Variants in CIC observed in about 807,000 individuals in gnomAD.
The protein encoded by CIC is capicua transcriptional repressor, also known as protein capicua homolog.
Under a neutral mutation model 115.7 loss-of-function variants are expected in CIC, and 18 were observed. The ratio of observed to expected loss-of-function variants is 0.16; its 90% CI spans 0.11 to 0.23. The LOEUF is 0.23. Ranked by LOEUF, CIC falls within the 10% of genes least tolerant of loss-of-function variation. The probability of loss-of-function intolerance (pLI) is 1.00; values close to 1 mark genes in which losing one functional copy is unlikely to be tolerated. For synonymous variants in CIC, 1,076 were observed against 923.0 expected, an observed-to-expected ratio of 1.17 and a Z score of -3.01; for missense variants, 2,000 against 2,159.3, an observed-to-expected ratio of 0.93 and a Z score of 1.46.
At chr19:42,276,931 C>A (rs1282368946) in intron 2 of CIC, among the ~76,000 whole-genome samples, 2 of 152,166 alleles carry the variant, frequency 1.3e-5, no homozygotes, top group Non-Finnish European at 2.9e-5. Flanking sequence ...GAGGCCCTGA[C>A]AAATGGAGAG....
At position 42,292,193 on chromosome 19, in the gene CIC, G is replaced by T; in HGVS notation, c.5721G>T (p.Leu1907Phe). The T allele has an allele frequency of 6.2e-7, 1 of 1,614,004 alleles. No individual in the cohort carries two copies. Among genetic ancestry groups the T allele is most frequent in the South Asian group, 1.1e-5 (1 of 91,082 alleles). ...CCTCTCAGCCTCAGAAGGTCCTGTT[G>T]CCCTCCTCCACCAGGTAATTGCAGC... Reference protein sequence around the residue: ...GPTSQPQKVLLPSSTRITYVQ... With the variant: ...GPTSQPQKVLFPSSTRITYVQ... Residue 1907 changes from leucine (L) to phenylalanine (F), a missense_variant, in exon 13 of 21, where the codon TTG becomes TTT. Physicochemically the swap from Leu to Phe is conservative, Grantham distance 22. Transcript: ENST00000681038.
Position 42,290,482 on chromosome 19 carries a change from C to T in CIC, c.4441C>T (p.Arg1481Trp), listed in dbSNP as rs749708777. 29 of 1,613,636 alleles carry T rather than the reference C, an allele frequency of 1.8e-5. No individual in the cohort carries two copies. The highest frequency in any genetic ancestry group is 2.0e-5 in the Non-Finnish European group (24 of 1,179,936). Residue 1481 changes from arginine (R) to tryptophan (W), a missense_variant, in exon 11 of 21, where the codon CGG becomes TGG. Physicochemically the swap from Arg to Trp is moderately radical, Grantham distance 101. This residue lies in a region of CIC where 1,466 missense variants were observed against 1,390.4 expected (regional missense o/e 1.05). Coordinates refer to ENST00000681038, the MANE Select transcript of CIC (RefSeq NM_001386298.1). ...SGQGSTAGPL[R>W]PPPPGAGGPA... is the part of the protein sequence containing the mutation. ...TCAGGGCAGCACAGCGGGCCCCCTA[C>T]GGCCCCCACCCCCTGGGGCTGGGGG...
At chr19:42,284,734 C>A (rs770106566) in intron 2 of CIC, 3 of 1,556,548 alleles carry the variant, frequency 1.9e-6, no homozygotes, top group East Asian at 2.4e-5. Context: ...CCCTGATGCC[C>A]GCGTCCAGCG....
Position 42,272,428 on chromosome 19 carries a change from T to C in CIC, c.645T>C (p.Leu215=), listed in dbSNP as rs10426310. The C allele has an allele frequency of 0.071, 28,152 of 398,486 alleles. 1,239 individuals are homozygous for C. Among genetic ancestry groups the C allele is most frequent in the Middle Eastern group, 0.17 (266 of 1,588 alleles). The allele number at this position is 398,486 out of a possible 1,614,324, so 24.7% of individuals were successfully genotyped here. The part of the protein sequence containing the change: ...QRVLARRGDG[L]FLPAVVRQVR... ...TGCTGGCTCGGCGTGGTGATGGCCT[T>C]TTCCTGCCGGCTGTGGTGCGCCAGG... is the stretch of plus-strand genomic sequence containing the variant. The change falls in exon 2 of 21, where the codon CTT becomes CTC. Residue 215 remains leucine (L), a synonymous_variant. Transcript: ENST00000681038.
At chr19:42,278,593 GTC>G (rs2037085629) in intron 2 of CIC, among the ~76,000 whole-genome samples, 1 of 152,102 alleles carries the variant, frequency 6.6e-6, no homozygotes, top group Non-Finnish European at 1.5e-5. Context: ...GGCATCCTGT[GTC>G]TCTGAGCCAG....
intron 2 of CIC, among the ~76,000 whole-genome samples, chr19:42,275,621 G>A (rs935604020): frequency 1.3e-5 from 2 of 152,184 alleles, no homozygotes; most frequent in African/African-American, 4.8e-5. Flanking sequence ...CAGAGAGGGT[G>A]ACAGACCTGT....
chr19:42,284,848 T>G (rs1050950871), intron 2 of CIC: 365 of 1,250,770 alleles, frequency 2.9e-4, no homozygotes, highest in Non-Finnish European at 3.7e-4. Flanking sequence ...GTGGTGGGGG[T>G]ATAGTAGGGG....
chr19:42,295,547 A>G lies in CIC; in HGVS notation c.*356A>G, dbSNP rs959618510. ...GGCGCCTGTGGAATAGGGGGAGTTC[A>G]TGCACCCCTTTTTTCCCCAGAGGGG... On this transcript the variant is annotated 3_prime_UTR_variant, in exon 21 of 21. Coordinates refer to ENST00000681038, the MANE Select transcript of CIC (RefSeq NM_001386298.1). 1 of 268,604 alleles carries G rather than the reference A, an allele frequency of 3.7e-6. No individual in the cohort carries two copies. The highest frequency in any genetic ancestry group is 5.8e-5 in the East Asian group (1 of 17,284). 16.6% of individuals were successfully genotyped at this position (268,604 alleles called of 1,614,324 possible).
chr19:42,294,337 G>A, intron 19 of CIC, 33 bp downstream of exon 19: 1 of 1,610,258 alleles, frequency 6.2e-7, no homozygotes, highest in South Asian at 1.1e-5. Context: ...GGGGGCCTGG[G>A]GACCTGCAAG....
In CIC at chr19:42,290,348, G is replaced by C; in HGVS notation, c.4307G>C (p.Gly1436Ala). 1 of 1,614,092 alleles carries C rather than the reference G, an allele frequency of 6.2e-7. No homozygotes were observed. Among genetic ancestry groups the C allele is most frequent in the Non-Finnish European group, 8.5e-7 (1 of 1,179,994 alleles). Reference protein sequence around the residue: ...PPDPPVAFGKGYGSAPSSSAS... With the variant: ...PPDPPVAFGKAYGSAPSSSAS... ...GATCCTCCTGTAGCCTTTGGCAAAG[G>C]CTATGGTTCCGCCCCATCCTCCTCT... is the stretch of plus-strand genomic sequence containing the variant. Residue 1436 changes from glycine to alanine, a missense_variant, in exon 11 of 21, where the codon GGC becomes GCC. Gly to Ala is a moderately conservative substitution (Grantham distance 60). This residue lies in a region of CIC where 1,466 missense variants were observed against 1,390.4 expected (regional missense o/e 1.05). Coordinates refer to ENST00000681038, the MANE Select transcript of CIC (RefSeq NM_001386298.1).
chr19:42,281,949 A>T (rs1481049501), intron 2 of CIC, among the ~76,000 whole-genome samples: 4 of 152,096 alleles, frequency 2.6e-5, no homozygotes, highest in Non-Finnish European at 5.9e-5. Flanking sequence ...CTGTCCTTGG[A>T]CTGCATTGCA....
chr19:42,291,160 G>T lies in CIC; in HGVS notation c.5119G>T (p.Ala1707Ser). 1 of 1,608,094 alleles carries T rather than the reference G, an allele frequency of 6.2e-7. No homozygotes were observed. Among genetic ancestry groups the T allele is most frequent in the South Asian group, 1.1e-5 (1 of 90,788 alleles). ...GGTTAGSGAG[A>S]GSGPNGPVPL... ...GACCACTGCGGGCTCAGGAGCAGGT[G>T]CTGGGAGTGGCCCCAATGGGCCAGT... The change falls in exon 11 of 21, where the codon GCT (alanine) becomes TCT (serine). Residue 1707 changes from alanine (A) to serine (S), a missense_variant. Physicochemically the swap from Ala to Ser is moderately conservative, Grantham distance 99. Around this residue, in one of 8 missense-constraint regions of CIC, gnomAD observed 1,466 missense variants for 1,390.4 expected, o/e 1.05. Transcript: ENST00000681038.
At position 42,295,188 on chromosome 19, in the gene CIC, G is replaced by C; in HGVS notation, c.7551G>C (p.Arg2517Ser). The change falls in exon 21 of 21, where the codon AGG (arginine) becomes AGC (serine). Residue 2517 changes from arginine (R) to serine (S), a missense_variant. Coordinates refer to ENST00000681038, the MANE Select transcript of CIC (RefSeq NM_001386298.1). ...PPGPSTAATG[R>S] ...GTCCCTCCACAGCTGCCACAGGCAG[G>C]TGAGGGACCCCTGAGAAGATGCCAG... 6.6e-7 allele frequency: 1 copy of C among 1,508,654 alleles called. No homozygotes were observed. The highest frequency in any genetic ancestry group is 8.9e-7 in the Non-Finnish European group (1 of 1,128,570). The allele number at this position is 1,508,654 out of a possible 1,614,324, so 93.5% of individuals were successfully genotyped here.
At chr19:42,269,203 G>C (rs967589224), upstream of CIC, 1 of 152,058 alleles carries the variant, frequency 6.6e-6, no homozygotes, top group Non-Finnish European at 1.5e-5. Context: ...CGGTCAGTGG[G>C]GTTGTGATCG....
At chr19:42,288,600 C>G (rs1424977046) in intron 7 of CIC, among the ~76,000 whole-genome samples, 2 of 152,212 alleles carry the variant, frequency 1.3e-5, no homozygotes. Context: ...AACCGAGGCT[C>G]AGGCCAGCGG....
chr19:42,269,244 G>A (rs1400805605), upstream of CIC: 2 of 151,468 alleles, frequency 1.3e-5, no homozygotes, highest in Non-Finnish European at 2.9e-5. Context: ...GCTGTTGCAG[G>A]TCCATTCACC....
chr19:42,279,818 G>A (rs777498937), intron 2 of CIC, among the ~76,000 whole-genome samples: 11 of 152,228 alleles, frequency 7.2e-5, no homozygotes, highest in Admixed American at 1.3e-4. Context: ...GCTTGGGGAA[G>A]AGGAGGAGAG....
At chr19:42,292,885 G>C (rs746813500) in intron 15 of CIC, 26 bp downstream of exon 15, 20 of 1,613,764 alleles carry the variant, frequency 1.2e-5, no homozygotes, top group Non-Finnish European at 1.7e-5. Flanking sequence ...ACCCAGAGCA[G>C]AGTGAGTTGG....
chr19:42,294,404 A>C, intron 19 of CIC, 100 bp downstream of exon 19: 1 of 1,582,890 alleles, frequency 6.3e-7, no homozygotes, highest in South Asian at 1.1e-5. Flanking sequence ...GGGTCCATCC[A>C]GGCTGGGAGG....
Sources: allele counts gnomAD v4.1 joint callset (sites outside exome capture counted in the v4.1 genomes callset), GRCh38; gene constraint gnomAD v4.1.1; regional missense constraint gnomAD v4.1.1; transcripts MANE v1.5; gene names NCBI Gene and HGNC (gene_info 2026-07-23, HGNC 2026-07-21).